The following PREP variants were observed in gnomAD, a reference collection of about 807,000 sequenced individuals.
PREP encodes the protein prolyl endopeptidase.
In PREP, 29 loss-of-function variants were observed where a neutral mutation model predicts 87.6. That is an observed-to-expected ratio of 0.33 (90% CI 0.25 to 0.45). The LOEUF is 0.45. Ranked by LOEUF, PREP falls within the 20% of genes least tolerant of loss-of-function variation. The pLI is 1.00. For missense variants in PREP, 695 were observed against 886.5 expected (o/e 0.78, Z 2.74); for synonymous variants, 337 against 328.6 (o/e 1.03, Z -0.28).
intron 6 of PREP, 112 bp from the exon 7 acceptor site, chr6:105,353,189 G>GC (rs1307214001): frequency 8.4e-5 from 64 of 758,398 alleles, no homozygotes; most frequent in Non-Finnish European, 1.3e-4. Context: ...CAGTGTCTCT[G>GC]CCCCAAACTC....
rs1769897949 is a variant in PREP at position 105,274,563 on chromosome 6, C to T, written c.*3581G>A. On this transcript the variant is annotated 3_prime_UTR_variant, in exon 15 of 15. Coordinates refer to ENST00000652536, the MANE Select transcript of PREP (RefSeq NM_002726.5). ...GGTGGATCACCTGAGGTCAGGAGTTCAAGACCAGCCTGGCCAACATGGTGA... is the reference window on the plus strand; with the variant it reads ...GGTGGATCACCTGAGGTCAGGAGTTTAAGACCAGCCTGGCCAACATGGTGA... Among the ~76,000 whole-genome samples the T allele has an allele frequency of 1.3e-5, 2 of 152,096 alleles. No homozygotes were observed. The highest frequency in any genetic ancestry group is 4.1e-4 in the South Asian group (2 of 4,822).
intron 7 of PREP, among the ~76,000 whole-genome samples, chr6:105,352,001 G>A (rs908280701): frequency 1.3e-5 from 2 of 152,200 alleles, no homozygotes; most frequent in African/African-American, 2.4e-5. Context: ...CTTGCTCAGA[G>A]AAGTTTAAAA....
chr6:105,393,530 C>G (rs547025550), intron 2 of PREP, among the ~76,000 whole-genome samples: 7 of 152,216 alleles, frequency 4.6e-5, no homozygotes, highest in East Asian at 1.9e-4. Flanking sequence ...GCAAATCTAA[C>G]GCTGATATGA....
intron 9 of PREP, among the ~76,000 whole-genome samples, chr6:105,327,039 T>C (rs537413590): frequency 6.6e-6 from 1 of 152,200 alleles, no homozygotes; most frequent in Non-Finnish European, 1.5e-5. Context: ...TCACATGCGG[T>C]CACTGAAGGA....
At position 105,332,604 on chromosome 6, in the gene PREP, G is replaced by A. The variant is rs545847870; in HGVS notation, c.1015+710C>T. Among the ~76,000 whole-genome samples, 7 of 152,138 alleles carry A rather than the reference G, an allele frequency of 4.6e-5. No individual in the cohort carries two copies. The East Asian group carries it at 9.7e-4, about 21-fold the overall frequency. On this transcript the variant is annotated intron_variant, in intron 8 of 14. Transcript: ENST00000652536. Reference sequence around the variant, plus strand: ...TCACCACCACCAAGTAACCTCATTGGCCTAATAGTACTGAATTCTTCTTTT... The same window carrying A: ...TCACCACCACCAAGTAACCTCATTGACCTAATAGTACTGAATTCTTCTTTT...
At chr6:105,280,860 T>C (rs1184001815) in intron 14 of PREP, 2 of 152,268 alleles carry the variant, frequency 1.3e-5, no homozygotes, top group Non-Finnish European at 2.9e-5. Flanking sequence ...TGAGCCACCA[T>C]ACTCAACACC....
chr6:105,365,061 A>G (rs1772351590), intron 6 of PREP, among the ~76,000 whole-genome samples: 3 of 152,208 alleles, frequency 2.0e-5, no homozygotes, highest in African/African-American at 7.2e-5. Flanking sequence ...ACCCTGGCCA[A>G]CATGGTAAAA....
rs754744030 is a variant in PREP at position 105,398,510 on chromosome 6, T to G, written c.46-583A>C. Among the ~76,000 whole-genome samples the G allele has an allele frequency of 2.6e-5, 4 of 152,384 alleles. No individual in the cohort carries two copies. The East Asian group carries it at 7.7e-4, about 29-fold the overall frequency. On this transcript the variant is annotated intron_variant, in intron 1 of 14. Coordinates refer to ENST00000652536, the MANE Select transcript of PREP (RefSeq NM_002726.5). ...CAATGGCAAAACATTTTAAAACTAA[T>G]GCCTTTCTTCCTTTTTATTTACTGT...
At chr6:105,303,675 G>A (rs6571225) in intron 10 of PREP, among the ~76,000 whole-genome samples, 14,479 of 152,148 alleles carry the variant, frequency 0.095, 764 homozygotes, top group South Asian at 0.14. Flanking sequence ...CAGCACAAAT[G>A]GCCATTCATT....
chr6:105,336,493 T>C (rs1262487580), intron 7 of PREP, among the ~76,000 whole-genome samples: 1 of 152,226 alleles, frequency 6.6e-6, no homozygotes, highest in East Asian at 1.9e-4. Context: ...ATTTCTATTA[T>C]TTTTTGCTCC....
chr6:105,349,892 A>G (rs1422390164), intron 7 of PREP, among the ~76,000 whole-genome samples: 2 of 140,898 alleles, frequency 1.4e-5, no homozygotes, highest in African/African-American at 5.7e-5. Context: ...AAATTGGGGA[A>G]GCAGGTAAAA....
At chr6:105,391,534 G>A (rs779328119) in intron 2 of PREP, among the ~76,000 whole-genome samples, 1 of 152,204 alleles carries the variant, frequency 6.6e-6, no homozygotes, top group African/African-American at 2.4e-5. Context: ...ATTTCTGGAA[G>A]TCTCTGGATT....
At chr6:105,315,805 G>A (rs926119537) in intron 10 of PREP, among the ~76,000 whole-genome samples, 5 of 152,214 alleles carry the variant, frequency 3.3e-5, no homozygotes, top group Admixed American at 1.3e-4. Context: ...TTTATGTTGT[G>A]CAGATGGCTT....
intron 11 of PREP, 57 bp downstream of exon 11, chr6:105,288,701 G>A (rs1770238863): frequency 1.9e-5 from 30 of 1,593,398 alleles, no homozygotes; most frequent in Non-Finnish European, 2.5e-5. Context: ...ACTCTGGTTT[G>A]TTTCCACTAT....
intron 10 of PREP, among the ~76,000 whole-genome samples, chr6:105,296,385 G>GA (rs1562190212): frequency 6.9e-6 from 1 of 145,462 alleles, no homozygotes; most frequent in Admixed American, 6.9e-5. Flanking sequence ...TACACCAACA[G>GA]TTTTTTTTTT....
chr6:105,382,411 T>C (rs1772868800), intron 2 of PREP, among the ~76,000 whole-genome samples: 1 of 152,124 alleles, frequency 6.6e-6, no homozygotes, highest in East Asian at 1.9e-4. Flanking sequence ...CCTAAATATA[T>C]ACAATTTTCA....
At chr6:105,326,074 A>G (rs981264214) in intron 9 of PREP, among the ~76,000 whole-genome samples, 5 of 152,190 alleles carry the variant, frequency 3.3e-5, no homozygotes, top group African/African-American at 4.8e-5. Context: ...AAACTTTGTA[A>G]CCCATGGAGA....
chr6:105,305,534 G>C (rs1770636186), intron 10 of PREP, among the ~76,000 whole-genome samples: 1 of 152,172 alleles, frequency 6.6e-6, no homozygotes, highest in Non-Finnish European at 1.5e-5. Flanking sequence ...TAACTCACTA[G>C]TGGGGTGGGG....
chr6:105,397,943 TGAG>T lies in PREP; in HGVS notation c.46-19_46-17del. On this transcript the variant is annotated splice_polypyrimidine_tract_variant and intron_variant, in intron 1 of 14. Coordinates refer to ENST00000652536, the MANE Select transcript of PREP (RefSeq NM_002726.5). The stretch of plus-strand genomic sequence containing the variant: ...AATCCTGTACCTGTAAAAAACAAAA[TGAG>T]GTATTAGATAATTACTCTCTAACCC... 1 of 1,565,662 alleles carries T rather than the reference TGAG, an allele frequency of 6.4e-7. No individual in the cohort carries two copies. Among genetic ancestry groups the T allele is most frequent in the Non-Finnish European group, 8.8e-7 (1 of 1,136,108 alleles).
Sources: gnomAD v4.1 joint callset for allele counts (sites outside exome capture counted in the v4.1 genomes callset) on GRCh38, gnomAD v4.1.1 for gene constraint, MANE v1.5 for transcripts, NCBI Gene and HGNC (gene_info 2026-07-23, HGNC 2026-07-21) for gene names.